Variants in C11orf87 observed in about 807,000 individuals in gnomAD.
The protein encoded by C11orf87 is uncharacterized protein C11orf87.
A neutral mutation model predicts 9.2 loss-of-function variants in C11orf87; 3 were observed. The ratio of observed to expected loss-of-function variants is 0.33; its 90% CI spans 0.15 to 0.84. The LOEUF is 0.84. C11orf87 is among the 40% of genes least tolerant of loss of function. The pLI is 0.55. For synonymous variants in C11orf87, 124 were observed against 124.6 expected, an observed-to-expected ratio of 1.00 and a Z score of 0.03; for missense variants, 256 against 270.7, an observed-to-expected ratio of 0.95 and a Z score of 0.38.
In C11orf87 at chr11:109,423,424, G is replaced by C. The variant is rs1000770630; in HGVS notation, c.-210G>C. ...GGAGCGTGGAGACGTGTTCGAGGTG[G>C]TATCGGCGAGGATCTCTCGGGCGCC... On this transcript the variant is annotated 5_prime_UTR_variant, in exon 2 of 2. Coordinates refer to ENST00000327419, the MANE Select transcript of C11orf87 (RefSeq NM_207645.4). This position sits in a 1 kb window ranked among gnomAD's most constrained non-coding sequence, Gnocchi z 5.3. 3.4e-6 allele frequency: 2 copies of C among 585,968 alleles called. No homozygotes were observed. The highest frequency in any genetic ancestry group is 6.0e-6 in the Non-Finnish European group (2 of 332,700). 36.3% of individuals were successfully genotyped at this position (585,968 alleles called of 1,614,324 possible). A position where few individuals can be genotyped will look rare whatever the true frequency, so the allele number is the denominator to read the frequency against.
rs756061851 is a variant in C11orf87, at chr11:109,424,097, G to A, written c.464G>A (p.Gly155Asp). 1.2e-6 allele frequency: 2 copies of A among 1,613,698 alleles called. No individual in the cohort carries two copies. Among genetic ancestry groups the A allele is most frequent in the Non-Finnish European group, 1.7e-6 (2 of 1,179,976 alleles). ...TCGTCGTTGTCCTCTTCGTCCCCTG[G>A]CCTCCCGTGCCAGGGTCCCTGTGCT... ...NASSLSSSSP[G>D]LPCQGPCAPP... Residue 155 changes from glycine to aspartate, a missense_variant, in exon 2 of 2, where the codon GGC becomes GAC. By Grantham distance (94) the Gly-to-Asp change is moderately conservative. Transcript: ENST00000327419. This position sits in a 1 kb window ranked among gnomAD's most constrained non-coding sequence, Gnocchi z 4.7.
Position 109,427,836 on chromosome 11 carries a change from C to G in C11orf87, c.*3609C>G, listed in dbSNP as rs1001744806. The stretch of plus-strand genomic sequence containing the variant: ...ATAGATATGTATTTATATATGCATA[C>G]GTTTTGTATAAATTTACAATTGACT... On this transcript the variant is annotated 3_prime_UTR_variant, in exon 2 of 2. Coordinates refer to ENST00000327419, the MANE Select transcript of C11orf87 (RefSeq NM_207645.4). 1 of 151,988 alleles carries G rather than the reference C, an allele frequency of 6.6e-6. No homozygotes were observed. The allele number at this position is 151,988 out of a possible 1,614,324, so 9.4% of individuals were successfully genotyped here. A position where few individuals can be genotyped will look rare whatever the true frequency, so the allele number is the denominator to read the frequency against.
chr11:109,422,662 G>T (rs1322605049), intron 1 of C11orf87, among the ~76,000 whole-genome samples: 1 of 151,088 alleles, frequency 6.6e-6, no homozygotes, highest in Non-Finnish European at 1.5e-5. Context: ...GGGGCACAGG[G>T]AAATGGGGAG....
In C11orf87 at chr11:109,426,192, T is replaced by C. The variant is rs1860570802; in HGVS notation, c.*1965T>C. On this transcript the variant is annotated 3_prime_UTR_variant, in exon 2 of 2. Transcript: ENST00000327419. ...CAAGCCTTTGACAGCTATTCAAATT[T>C]TTGGAAAATGTATGAATGAAAGTGA... 1 of 152,150 alleles carries C rather than the reference T, an allele frequency of 6.6e-6. No individual in the cohort carries two copies. The highest frequency in any genetic ancestry group is 2.4e-5 in the African/African-American group (1 of 41,426). The allele number at this position is 152,150 out of a possible 1,614,324, so 9.4% of individuals were successfully genotyped here. A position where few individuals can be genotyped will look rare whatever the true frequency, so the allele number is the denominator to read the frequency against.
At position 109,426,960 on chromosome 11, in the gene C11orf87, A is replaced by G. The variant is rs566846835; in HGVS notation, c.*2733A>G. Reference sequence around the variant, plus strand: ...GTGAGCAGTGCTGGATAACGATTCCATTTTCTTGGTGCTGAAGCTACGCAT... The same window carrying G: ...GTGAGCAGTGCTGGATAACGATTCCGTTTTCTTGGTGCTGAAGCTACGCAT... On this transcript the variant is annotated 3_prime_UTR_variant, in exon 2 of 2. Transcript: ENST00000327419. The G allele has an allele frequency of 6.6e-6, 1 of 152,216 alleles. No homozygotes were observed. The highest frequency in any genetic ancestry group is 2.4e-5 in the African/African-American group (1 of 41,532). 9.4% of individuals were successfully genotyped at this position (152,216 alleles called of 1,614,324 possible). A position where few individuals can be genotyped will look rare whatever the true frequency, so the allele number is the denominator to read the frequency against.
chr11:109,423,687 C>T lies in C11orf87; in HGVS notation c.54C>T (p.Leu18=). The T allele has an allele frequency of 6.2e-7, 1 of 1,611,322 alleles. No homozygotes were observed. The highest frequency in any genetic ancestry group is 1.3e-5 in the African/African-American group (1 of 75,058). Residue 18 remains leucine (L), a synonymous_variant, in exon 2 of 2, where the codon CTC becomes CTT. Transcript: ENST00000327419. This position sits in a 1 kb window ranked among gnomAD's most constrained non-coding sequence, Gnocchi z 5.3. ...ELRLALPPCL[L]NRTFASPNAS... is the part of the protein sequence containing the mutation. ...GGCTGGCGTTGCCGCCGTGTCTCCT[C>T]AACCGGACCTTTGCTTCCCCCAACG...
chr11:109,423,479 C>T lies in C11orf87; in HGVS notation c.-155C>T. The T allele has an allele frequency of 1.4e-6, 1 of 721,076 alleles. No individual in the cohort carries two copies. The highest frequency in any genetic ancestry group is 2.8e-5 in the East Asian group (1 of 36,356). 44.7% of individuals were successfully genotyped at this position (721,076 alleles called of 1,614,324 possible). On this transcript the variant is annotated 5_prime_UTR_variant, in exon 2 of 2. Transcript: ENST00000327419. The surrounding 1 kb of genome is among the most constrained non-coding windows in gnomAD (Gnocchi z 5.3). ...ACTCCTTGGTCGCCTTGCTTGCCAG[C>T]AGTTGCTCCCTTAGTCCTTGGCTCG...
rs750714647 is a variant in C11orf87 at position 109,423,241 on chromosome 11, C to T, written c.-259-134C>T. 150 of 253,512 alleles carry T rather than the reference C, an allele frequency of 5.9e-4. No homozygotes were observed. Among genetic ancestry groups the T allele is most frequent in the Non-Finnish European group, 8.9e-4 (118 of 133,186 alleles). The allele number at this position is 253,512 out of a possible 1,614,324, so 15.7% of individuals were successfully genotyped here. On this transcript the variant is annotated intron_variant, in intron 1 of 1. Transcript: ENST00000327419. This position sits in a 1 kb window ranked among gnomAD's most constrained non-coding sequence, Gnocchi z 5.3. ...CCACGGGCCGGCAGGCTGGGGTCCG[C>T]TGACCGAAAATACAGGCAGCGCCCA... is the stretch of plus-strand genomic sequence containing the variant.
chr11:109,425,353 G>T lies in C11orf87; in HGVS notation c.*1126G>T, dbSNP rs1255036951. ...CAGTATCTAACCAACTAGAACGTTT[G>T]TTTTATTTTTAGAACAAGTGCACCT... On this transcript the variant is annotated 3_prime_UTR_variant, in exon 2 of 2. Coordinates refer to ENST00000327419, the MANE Select transcript of C11orf87 (RefSeq NM_207645.4). 3 of 166,334 alleles carry T rather than the reference G, an allele frequency of 1.8e-5. No individual in the cohort carries two copies. Among genetic ancestry groups the T allele is most frequent in the African/African-American group, 7.3e-5 (3 of 41,318 alleles). 10.3% of individuals were successfully genotyped at this position (166,334 alleles called of 1,614,324 possible).
chr11:109,426,624 C>T lies in C11orf87; in HGVS notation c.*2397C>T, dbSNP rs1236437587. On this transcript the variant is annotated 3_prime_UTR_variant, in exon 2 of 2. Coordinates refer to ENST00000327419, the MANE Select transcript of C11orf87 (RefSeq NM_207645.4). ...AGTAATAGGTAAAAGAGTGCATTAA[C>T]TCCCTCAGGCCACTAGGGAATCCTG... 1 of 152,188 alleles carries T rather than the reference C, an allele frequency of 6.6e-6. No homozygotes were observed. The highest frequency in any genetic ancestry group is 6.5e-5 in the Admixed American group (1 of 15,278). 9.4% of individuals were successfully genotyped at this position (152,188 alleles called of 1,614,324 possible). A position where few individuals can be genotyped will look rare whatever the true frequency, so the allele number is the denominator to read the frequency against.
In C11orf87 at chr11:109,423,326, C is replaced by G. The variant is rs2134822422; in HGVS notation, c.-259-49C>G. On this transcript the variant is annotated intron_variant, in intron 1 of 1. Coordinates refer to ENST00000327419, the MANE Select transcript of C11orf87 (RefSeq NM_207645.4). This position sits in a 1 kb window ranked among gnomAD's most constrained non-coding sequence, Gnocchi z 5.3. ...TGGTGGTTGATCTTTCCCGACAGCA[C>G]TCCCCTGGGCAGCGGCCGAGATTCT... 4.5e-6 allele frequency: 2 copies of G among 445,550 alleles called. No homozygotes were observed. The highest frequency in any genetic ancestry group is 5.8e-4 in the Middle Eastern group (1 of 1,736). The allele number at this position is 445,550 out of a possible 1,614,324, so 27.6% of individuals were successfully genotyped here.
rs752066874 is a variant in C11orf87, at chr11:109,423,969, C to CG, written c.342dup (p.Leu115AlafsTer87). 1 of 1,613,808 alleles carries CG rather than the reference C, an allele frequency of 6.2e-7. No homozygotes were observed. ...ATCACTGCAGCGGCAGCCGCGGTGG[C>CG]GGGGGGCTGCCCCGACCTGGCAGGC... On this transcript the variant is annotated frameshift_variant, in exon 2 of 2. Transcript: ENST00000327419. LOFTEE classifies it high-confidence loss of function. The surrounding 1 kb of genome is among the most constrained non-coding windows in gnomAD (Gnocchi z 5.3).
At position 109,423,724 on chromosome 11, in the gene C11orf87, G is replaced by A. The variant is rs1191167410; in HGVS notation, c.91G>A (p.Gly31Ser). ...TFASPNASGS[G>S]NTGARGPGAV... ...TGCTTCCCCCAACGCCAGCGGCAGC[G>A]GCAACACGGGTGCCCGCGGCCCAGG... The change falls in exon 2 of 2, where the codon GGC becomes AGC. Residue 31 changes from glycine (G) to serine (S), a missense_variant. Gly to Ser is a moderately conservative substitution (Grantham distance 56, BLOSUM62 0). Coordinates refer to ENST00000327419, the MANE Select transcript of C11orf87 (RefSeq NM_207645.4). This position sits in a 1 kb window ranked among gnomAD's most constrained non-coding sequence, Gnocchi z 5.3. 5 of 1,613,468 alleles carry A rather than the reference G, an allele frequency of 3.1e-6. No homozygotes were observed. The highest frequency in any genetic ancestry group is 1.7e-5 in the Admixed American group (1 of 59,974).
rs1565250181 is a variant in C11orf87, at chr11:109,423,700, G to C, written c.67G>C (p.Ala23Pro). 6.2e-7 allele frequency: 1 copy of C among 1,612,582 alleles called. No individual in the cohort carries two copies. Among genetic ancestry groups the C allele is most frequent in the East Asian group, 2.2e-5 (1 of 44,856 alleles). Residue 23 changes from alanine to proline, a missense_variant, in exon 2 of 2, where the codon GCT (alanine) becomes CCT (proline). Physicochemically the swap from Ala to Pro is conservative, Grantham distance 27. Transcript: ENST00000327419. The surrounding 1 kb of genome is among the most constrained non-coding windows in gnomAD (Gnocchi z 5.3). ...LPPCLLNRTF[A>P]SPNASGSGNT... The stretch of plus-strand genomic sequence containing the variant: ...GCCGTGTCTCCTCAACCGGACCTTT[G>C]CTTCCCCCAACGCCAGCGGCAGCGG...
Position 109,423,403 on chromosome 11 carries a change from C to G in C11orf87, c.-231C>G, listed in dbSNP as rs902463529. 1 of 576,126 alleles carries G rather than the reference C, an allele frequency of 1.7e-6. No individual in the cohort carries two copies. The highest frequency in any genetic ancestry group is 3.1e-6 in the Non-Finnish European group (1 of 327,638). 35.7% of individuals were successfully genotyped at this position (576,126 alleles called of 1,614,324 possible). A position where few individuals can be genotyped will look rare whatever the true frequency, so the allele number is the denominator to read the frequency against. ...GGTGCCTCTGCAAAGGAAAGGGGAG[C>G]GTGGAGACGTGTTCGAGGTGGTATC... On this transcript the variant is annotated 5_prime_UTR_variant, in exon 2 of 2. Transcript: ENST00000327419. This position sits in a 1 kb window ranked among gnomAD's most constrained non-coding sequence, Gnocchi z 5.3.
Position 109,427,664 on chromosome 11 carries a change from T to C in C11orf87, c.*3437T>C, listed in dbSNP as rs1176442266. On this transcript the variant is annotated 3_prime_UTR_variant, in exon 2 of 2. Coordinates refer to ENST00000327419, the MANE Select transcript of C11orf87 (RefSeq NM_207645.4). ...GCTACAGCTTAACTTCTGCACTTGCTATTCAGTATTAATAAGGTGGCATGC... is the reference window on the plus strand; with the variant it reads ...GCTACAGCTTAACTTCTGCACTTGCCATTCAGTATTAATAAGGTGGCATGC... The C allele has an allele frequency of 6.6e-6, 1 of 152,208 alleles. No homozygotes were observed. Among genetic ancestry groups the C allele is most frequent in the Non-Finnish European group, 1.5e-5 (1 of 68,014 alleles). 9.4% of individuals were successfully genotyped at this position (152,208 alleles called of 1,614,324 possible).
chr11:109,426,516 A>C lies in C11orf87; in HGVS notation c.*2289A>C, dbSNP rs1860574582. The stretch of plus-strand genomic sequence containing the variant: ...CATCATTGAAGCATGCCATCTTGTA[A>C]TATTAGGAAGACCAGGTATAATCTT... On this transcript the variant is annotated 3_prime_UTR_variant, in exon 2 of 2. Transcript: ENST00000327419. 6.6e-6 allele frequency: 1 copy of C among 152,208 alleles called. No individual in the cohort carries two copies. The highest frequency in any genetic ancestry group is 1.5e-5 in the Non-Finnish European group (1 of 68,030). The allele number at this position is 152,208 out of a possible 1,614,324, so 9.4% of individuals were successfully genotyped here. A position where few individuals can be genotyped will look rare whatever the true frequency, so the allele number is the denominator to read the frequency against.
rs1860594253 is a variant in C11orf87, at chr11:109,427,909, A to C, written c.*3682A>C. ...TTACAAGAATGAGATGGAAACCAAAATAGTTGTTCCATCCTCTTACCCAAA... is the reference window on the plus strand; with the variant it reads ...TTACAAGAATGAGATGGAAACCAAACTAGTTGTTCCATCCTCTTACCCAAA... On this transcript the variant is annotated 3_prime_UTR_variant, in exon 2 of 2. Transcript: ENST00000327419. 6.6e-6 allele frequency: 1 copy of C among 152,098 alleles called. No individual in the cohort carries two copies. Among genetic ancestry groups the C allele is most frequent in the Non-Finnish European group, 1.5e-5 (1 of 67,968 alleles). 9.4% of individuals were successfully genotyped at this position (152,098 alleles called of 1,614,324 possible).
Position 109,423,691 on chromosome 11 carries a change from C to A in C11orf87, c.58C>A (p.Arg20=). 1 of 1,611,874 alleles carries A rather than the reference C, an allele frequency of 6.2e-7. No individual in the cohort carries two copies. Among genetic ancestry groups the A allele is most frequent in the Non-Finnish European group, 8.5e-7 (1 of 1,179,886 alleles). Residue 20 remains arginine (R), a synonymous_variant, in exon 2 of 2, where the codon CGG becomes AGG. Transcript: ENST00000327419. The surrounding 1 kb of genome is among the most constrained non-coding windows in gnomAD (Gnocchi z 5.3). ...RLALPPCLLN[R]TFASPNASGS... Reference sequence around the variant, plus strand: ...GGCGTTGCCGCCGTGTCTCCTCAACCGGACCTTTGCTTCCCCCAACGCCAG... The same window carrying A: ...GGCGTTGCCGCCGTGTCTCCTCAACAGGACCTTTGCTTCCCCCAACGCCAG...
Sources: gnomAD v4.1 joint callset for allele counts (sites outside exome capture counted in the v4.1 genomes callset) on GRCh38, gnomAD v4.1.1 for gene constraint, Gnocchi (gnomAD v3.1) non-coding constraint, MANE v1.5 for transcripts, NCBI Gene and HGNC (gene_info 2026-07-23, HGNC 2026-07-21) for gene names.